Variants in SLC12A2 observed in about 807,000 individuals in gnomAD.
The protein encoded by SLC12A2 is Na-K-2Cl cotransporter 1.
Under a neutral mutation model 136.3 loss-of-function variants are expected in SLC12A2, and 67 were observed. The ratio of observed to expected loss-of-function variants is 0.49; its 90% CI spans 0.40 to 0.60. The LOEUF (loss-of-function observed/expected upper bound fraction) is 0.60. Among genes scored for constraint, SLC12A2 ranks in the 20% least tolerant of loss-of-function variants. SLC12A2 has a pLI of 0.00. For missense variants in SLC12A2, 1,322 were observed against 1,534.7 expected (o/e 0.86, Z 2.32); for synonymous variants, 619 against 562.9 (o/e 1.10, Z -1.41).
intron 6 of SLC12A2, 88 bp from the exon 7 acceptor site, chr5:128,135,612 T>C: frequency 1.2e-6 from 1 of 867,108 alleles, no homozygotes; most frequent in Non-Finnish European, 1.9e-6. Context: ...AGAAATTCTT[T>C]CCCTCATGGA....
chr5:128,174,636 C>T lies in SLC12A2; in HGVS notation c.2899C>T (p.Pro967Ser). The change falls in exon 20 of 27, where the codon CCA becomes TCA. Residue 967 changes from proline (P) to serine (S), a missense_variant. Pro to Ser is a moderately conservative substitution (Grantham distance 74). This residue lies in a region of SLC12A2 where 226 missense variants were observed against 210.4 expected (regional missense o/e 1.07). Coordinates refer to ENST00000262461, the MANE Select transcript of SLC12A2 (RefSeq NM_001046.3). ...AAAGTCCGATTTAGATACTTCCAAA[C>T]CACTCAGTGAAAAACCAATTACACA... ...SKKSDLDTSK[P>S]LSEKPITHKV... 6.2e-7 allele frequency: 1 copy of T among 1,604,584 alleles called. No homozygotes were observed. Among genetic ancestry groups the T allele is most frequent in the African/African-American group, 1.3e-5 (1 of 74,720 alleles).
At chr5:128,156,444 A>G (rs1450110131) in intron 15 of SLC12A2, among the ~76,000 whole-genome samples, 1 of 152,200 alleles carries the variant, frequency 6.6e-6, no homozygotes, top group Non-Finnish European at 1.5e-5. Flanking sequence ...GCTGTTACTC[A>G]AAGTCATCCC....
intron 11 of SLC12A2, among the ~76,000 whole-genome samples, chr5:128,148,487 C>A (rs1762599701): frequency 6.6e-6 from 1 of 151,696 alleles, no homozygotes; most frequent in Non-Finnish European, 1.5e-5. Flanking sequence ...TACTTGTATG[C>A]CTGCTTCTGT....
intron 26 of SLC12A2, among the ~76,000 whole-genome samples, chr5:128,185,333 T>C (rs1010901481): frequency 3.2e-4 from 49 of 152,176 alleles, no homozygotes; most frequent in African/African-American, 1.1e-3. Flanking sequence ...CACATTGTCC[T>C]TGAGTTAAAT....
chr5:128,155,708 T>G (rs759593492), intron 15 of SLC12A2, among the ~76,000 whole-genome samples: 1 of 152,190 alleles, frequency 6.6e-6, no homozygotes, highest in Non-Finnish European at 1.5e-5. Context: ...GTATCTCTAA[T>G]ACTTGGCCAG....
intron 1 of SLC12A2, among the ~76,000 whole-genome samples, chr5:128,092,604 A>G (rs1421505269): frequency 6.6e-6 from 1 of 152,200 alleles, no homozygotes; most frequent in Non-Finnish European, 1.5e-5. Context: ...TAAAACATTC[A>G]TTGCAGATAT....
At chr5:128,089,111 T>A (rs1760210161) in intron 1 of SLC12A2, among the ~76,000 whole-genome samples, 1 of 146,908 alleles carries the variant, frequency 6.8e-6, no homozygotes, top group South Asian at 2.1e-4. Flanking sequence ...GAGATTGCAG[T>A]GAGCCAAGAT....
chr5:128,174,583 A>G lies in SLC12A2; in HGVS notation c.2846A>G (p.Asp949Gly), dbSNP rs1397356317. 1.2e-6 allele frequency: 2 copies of G among 1,609,342 alleles called. No individual in the cohort carries two copies. The highest frequency in any genetic ancestry group is 1.7e-6 in the Non-Finnish European group (2 of 1,177,126). The change falls in exon 20 of 27, where the codon GAT (aspartate) becomes GGT (glycine). Residue 949 changes from aspartate to glycine, a missense_variant. This residue lies in a region of SLC12A2 where 226 missense variants were observed against 210.4 expected (regional missense o/e 1.07). Transcript: ENST00000262461. ...CAAGAGAAATCTCCTGGCACCAAGG[A>G]TGTGGTAGTAAGTGTGGAATATAGT... ...SSQEKSPGTK[D>G]VVVSVEYSKK...
intron 15 of SLC12A2, among the ~76,000 whole-genome samples, chr5:128,154,200 C>T (rs897186229): frequency 1.3e-5 from 2 of 151,994 alleles, no homozygotes; most frequent in Admixed American, 1.3e-4. Flanking sequence ...TCACTTGAGC[C>T]TAGGAGTTGG....
intron 26 of SLC12A2, 96 bp downstream of exon 26, chr5:128,184,952 T>C: frequency 2.8e-6 from 3 of 1,082,164 alleles, no homozygotes; most frequent in South Asian, 1.4e-5. Flanking sequence ...AACACCCATA[T>C]TGACTTAGTG....
In SLC12A2 at chr5:128,186,726, A is replaced by G; in HGVS notation, c.*95A>G. ...TGACACATTAACATCACAATGGCGA[A>G]TGGTGACTTTTCTTTCACGATTTCA... On this transcript the variant is annotated 3_prime_UTR_variant, in exon 27 of 27. Transcript: ENST00000262461. 7.8e-7 allele frequency: 1 copy of G among 1,283,514 alleles called. No individual in the cohort carries two copies. The highest frequency in any genetic ancestry group is 1.1e-6 in the Non-Finnish European group (1 of 915,612). 79.5% of individuals were successfully genotyped at this position (1,283,514 alleles called of 1,614,324 possible).
chr5:128,177,224 C>CT (rs575802049), intron 21 of SLC12A2, 72 bp downstream of exon 21: 202 of 1,093,790 alleles, frequency 1.8e-4, no homozygotes, highest in South Asian at 4.2e-4. Context: ...ACCTTATTCC[C>CT]TTTTTTTTAA....
chr5:128,116,314 T>A (rs1761348917), intron 4 of SLC12A2, among the ~76,000 whole-genome samples: 1 of 151,950 alleles, frequency 6.6e-6, no homozygotes, highest in Admixed American at 6.6e-5. Context: ...TTTGCAAGAT[T>A]GTGACCAAAA....
chr5:128,124,965 C>A (rs1012788506), intron 4 of SLC12A2, among the ~76,000 whole-genome samples: 1 of 152,172 alleles, frequency 6.6e-6, no homozygotes, highest in Non-Finnish European at 1.5e-5. Flanking sequence ...GCTTTTCTCA[C>A]CTGATCAGTA....
At chr5:128,157,563 A>G (rs1762903281) in intron 15 of SLC12A2, among the ~76,000 whole-genome samples, 1 of 152,214 alleles carries the variant, frequency 6.6e-6, no homozygotes, top group African/African-American at 2.4e-5. Flanking sequence ...CCTGTTTTGT[A>G]CATGAAGGCA....
intron 4 of SLC12A2, among the ~76,000 whole-genome samples, chr5:128,126,690 C>CTAAG (rs1761806732): frequency 6.6e-6 from 1 of 151,922 alleles, no homozygotes; most frequent in Middle Eastern, 3.2e-3. Flanking sequence ...TTTGAACTAC[C>CTAAG]TAAGACCTAT....
Position 128,161,826 on chromosome 5 carries a change from G to T in SLC12A2, c.2616+26G>T, listed in dbSNP as rs996982305. 29 of 1,376,740 alleles carry T rather than the reference G, an allele frequency of 2.1e-5. No individual in the cohort carries two copies. In the Middle Eastern group the frequency reaches 4.8e-3, roughly 228 times the overall value. 85.3% of individuals were successfully genotyped at this position (1,376,740 alleles called of 1,614,324 possible). Reference sequence around the variant, plus strand: ...GTAACTTTGTTAATGCTTTTCAAATGCCTACATTTTAGATTTGTATAAGCT... The same window carrying T: ...GTAACTTTGTTAATGCTTTTCAAATTCCTACATTTTAGATTTGTATAAGCT... On this transcript the variant is annotated intron_variant, in intron 17 of 26. Transcript: ENST00000262461.
chr5:128,116,769 G>A (rs1323778420), intron 4 of SLC12A2, among the ~76,000 whole-genome samples: 1 of 152,258 alleles, frequency 6.6e-6, no homozygotes, highest in African/African-American at 2.4e-5. Flanking sequence ...TTGGACAGCT[G>A]GATGGTCTTT....
At chr5:128,110,365 A>G in intron 1 of SLC12A2, 2 of 971,138 alleles carry the variant, frequency 2.1e-6, no homozygotes, top group East Asian at 2.4e-5. Context: ...GTGCAAGCTA[A>G]CACGGGTCCT....
Sources: gnomAD v4.1 joint callset for allele counts (sites outside exome capture counted in the v4.1 genomes callset) on GRCh38, gnomAD v4.1.1 for gene constraint, gnomAD v4.1.1 regional missense constraint, MANE v1.5 for transcripts, NCBI Gene and HGNC (gene_info 2026-07-23, HGNC 2026-07-21) for gene names.